ADGRV1: variants seen among roughly 807,000 people sequenced by gnomAD.
ADGRV1 encodes adhesion G protein-coupled receptor V1, also known as G-protein coupled receptor 98.
In ADGRV1, 359 loss-of-function variants were observed where a neutral mutation model predicts 596.2. The ratio of observed to expected loss-of-function variants is 0.60; its 90% confidence interval spans 0.55 to 0.66. ADGRV1 has a LOEUF of 0.66. Ranked by LOEUF, ADGRV1 falls within the 30% of genes least tolerant of loss-of-function variation. The pLI is 0.00. For missense variants in ADGRV1, 7,274 were observed against 7,575.6 expected (o/e 0.96, Z 1.48); for synonymous variants, 2,681 against 2,679.2 (o/e 1.00, Z -0.02).
chr5:90,788,202 A>T lies in ADGRV1; in HGVS notation c.13785A>T (p.Thr4595=), dbSNP rs1160656214. 1 of 1,613,834 alleles carries T rather than the reference A, an allele frequency of 6.2e-7. No individual in the cohort carries two copies. Among genetic ancestry groups the T allele is most frequent in the Admixed American group, 1.7e-5 (1 of 60,014 alleles). Residue 4595 remains threonine, a synonymous_variant, in exon 68 of 90, where the codon ACA becomes ACT. Transcript: ENST00000405460. ...GAGGAGTGAGAACCATAATTCTGAC[A>T]ATCTATCCTCATGAAGAAATTGAAG... ...GEGGVRTIIL[T]IYPHEEIEVE...
chr5:90,698,310 A>G (rs1580780430), intron 34 of ADGRV1, among the ~76,000 whole-genome samples: 1 of 152,180 alleles, frequency 6.6e-6, no homozygotes, highest in African/African-American at 2.4e-5. Context: ...CACCTTCATT[A>G]TTTCACTTAA....
At chr5:90,595,850 C>T (rs1293736675) in intron 1 of ADGRV1, among the ~76,000 whole-genome samples, 1 of 150,518 alleles carries the variant, frequency 6.6e-6, no homozygotes, top group Non-Finnish European at 1.5e-5. Context: ...GACGCCCCCA[C>T]CTCCCTCCCG....
chr5:90,724,793 G>A, intron 45 of ADGRV1, 39 bp from the exon 46 acceptor site: 1 of 1,571,228 alleles, frequency 6.4e-7, no homozygotes, highest in Non-Finnish European at 8.7e-7. Flanking sequence ...AGTTTTTGAA[G>A]GAGTAATAAA....
chr5:91,027,849 T>C (rs1434111452), intron 85 of ADGRV1, among the ~76,000 whole-genome samples: 3 of 152,146 alleles, frequency 2.0e-5, no homozygotes, highest in Non-Finnish European at 4.4e-5. Context: ...TTGTTGGTAG[T>C]ATAAATACTG....
chr5:91,106,714 C>G (rs1791907441), intron 87 of ADGRV1, among the ~76,000 whole-genome samples: 1 of 152,178 alleles, frequency 6.6e-6, no homozygotes, highest in Non-Finnish European at 1.5e-5. Flanking sequence ...TGGCTGGGCA[C>G]TGACATCTTT....
At chr5:90,984,498 C>A (rs1780329046) in intron 84 of ADGRV1, among the ~76,000 whole-genome samples, 2 of 148,358 alleles carry the variant, frequency 1.3e-5, no homozygotes, top group African/African-American at 5.0e-5. Context: ...CCCTCATCCC[C>A]CTTCACTCTA....
At chr5:90,924,336 G>A (rs1176573723) in intron 83 of ADGRV1, among the ~76,000 whole-genome samples, 2 of 151,872 alleles carry the variant, frequency 1.3e-5, no homozygotes, top group Non-Finnish European at 2.9e-5. Flanking sequence ...ACTGGTGTGA[G>A]ATGGTATCTC....
intron 84 of ADGRV1, among the ~76,000 whole-genome samples, chr5:90,983,464 G>A (rs575550083): frequency 1.6e-4 from 24 of 152,104 alleles, no homozygotes; most frequent in African/African-American, 5.5e-4. Flanking sequence ...CTGCACCACC[G>A]AGTTACGATG....
intron 9 of ADGRV1, among the ~76,000 whole-genome samples, chr5:90,631,758 C>T (rs915096991): frequency 3.3e-5 from 5 of 152,032 alleles, no homozygotes; most frequent in Non-Finnish European, 5.9e-5. Context: ...TGAAATACTG[C>T]AAATGGCCAC....
chr5:90,924,931 T>C (rs1420355866), intron 83 of ADGRV1, among the ~76,000 whole-genome samples: 4 of 151,632 alleles, frequency 2.6e-5, no homozygotes, highest in Admixed American at 6.6e-5. Flanking sequence ...TTGTCAAGGA[T>C]AGATAGTTGT....
At chr5:90,596,683 C>G (rs184365744) in intron 1 of ADGRV1, among the ~76,000 whole-genome samples, 15 of 152,070 alleles carry the variant, frequency 9.9e-5, no homozygotes, top group East Asian at 7.7e-4. Context: ...GCAGGCACTC[C>G]GCAGGCTGAG....
intron 89 of ADGRV1, among the ~76,000 whole-genome samples, chr5:91,157,449 C>T (rs1251449596): frequency 2.6e-5 from 4 of 152,010 alleles, no homozygotes; most frequent in African/African-American, 9.7e-5. Flanking sequence ...AATATGTGAA[C>T]AGGCTTTTTT....
At chr5:90,597,413 A>G (rs1760831699) in intron 1 of ADGRV1, among the ~76,000 whole-genome samples, 2 of 152,244 alleles carry the variant, frequency 1.3e-5, no homozygotes, top group South Asian at 2.1e-4. Flanking sequence ...GTTATTTAGT[A>G]TCTGCACAAA....
chr5:90,766,575 A>G (rs1390133326), intron 59 of ADGRV1, among the ~76,000 whole-genome samples: 6 of 152,210 alleles, frequency 3.9e-5, no homozygotes, highest in African/African-American at 1.4e-4. Context: ...CTGAAACACA[A>G]TAAGTAGTTT....
chr5:90,925,433 G>A (rs1302671169), intron 83 of ADGRV1, among the ~76,000 whole-genome samples: 1 of 152,130 alleles, frequency 6.6e-6, no homozygotes. Flanking sequence ...CTCTCTGTTT[G>A]TCTATTATTG....
chr5:90,675,610 C>T (rs574270534), intron 24 of ADGRV1, among the ~76,000 whole-genome samples, 165 bp downstream of exon 24: 1 of 152,106 alleles, frequency 6.6e-6, no homozygotes, highest in African/African-American at 2.4e-5. Context: ...CCAGCATGGG[C>T]AACGTCGCAA....
At chr5:90,862,443 T>C (rs1767696275) in intron 82 of ADGRV1, among the ~76,000 whole-genome samples, 2 of 152,138 alleles carry the variant, frequency 1.3e-5, no homozygotes, top group Non-Finnish European at 2.9e-5. Context: ...AAGACTTGAA[T>C]TTAAGCTGGC....
rs138139636 is a variant in ADGRV1, at chr5:90,754,429, C to T, written c.11378-554C>T. Among the ~76,000 whole-genome samples the T allele has an allele frequency of 7.0e-4, 106 of 152,226 alleles. 1 individual carries two copies. In the East Asian group the frequency reaches 0.016, roughly 23 times the overall value. Reference sequence around the variant, plus strand: ...ATTTGAATAGTCAATGGGAAAAATACAACATGTGGTTATGTTCCTGGGTCT... The same window carrying T: ...ATTTGAATAGTCAATGGGAAAAATATAACATGTGGTTATGTTCCTGGGTCT... On this transcript the variant is annotated intron_variant, in intron 54 of 89. Transcript: ENST00000405460.
intron 85 of ADGRV1, among the ~76,000 whole-genome samples, chr5:91,061,873 G>A (rs190992922): frequency 2.0e-5 from 3 of 152,324 alleles, no homozygotes; most frequent in East Asian, 1.9e-4. Flanking sequence ...GAATAGTTGT[G>A]TGTTCACTCC....
Sources: gnomAD v4.1 joint callset for allele counts (sites outside exome capture counted in the v4.1 genomes callset) on GRCh38, gnomAD v4.1.1 for gene constraint, MANE v1.5 for transcripts, NCBI Gene and HGNC (gene_info 2026-07-23, HGNC 2026-07-21) for gene names.